The following ATF7 variants were observed in gnomAD, a reference collection of about 807,000 sequenced individuals.
ATF7 encodes cyclic AMP-dependent transcription factor ATF-7.
In ATF7, 10 loss-of-function variants were observed where a neutral mutation model predicts 50.4. That is an observed-to-expected ratio of 0.20 (90% CI 0.12 to 0.34). ATF7 has a LOEUF of 0.34. Among genes scored for constraint, ATF7 ranks in the 10% least tolerant of loss-of-function variants. ATF7 has a pLI of 1.00. For synonymous variants in ATF7, 201 were observed against 226.4 expected, an observed-to-expected ratio of 0.89 and a Z score of 1.01; for missense variants, 465 against 613.9, an observed-to-expected ratio of 0.76 and a Z score of 2.56.
In ATF7 at chr12:53,579,408, C is replaced by T. The variant is rs549208777; in HGVS notation, c.48+21545G>A. Among the ~76,000 whole-genome samples the T allele has an allele frequency of 5.1e-4, 77 of 151,808 alleles. 1 individual carries two copies. The highest frequency in any genetic ancestry group is 1.6e-3 in the African/African-American group (68 of 41,408). On this transcript the variant is annotated intron_variant, in intron 2 of 11. Transcript: ENST00000420353. ...CTCTACTAAAAATACAAAAATTAGC[C>T]GGGCATGGTGGTATACACCTGTAAT...
At chr12:53,611,593 C>A (rs1943883569) in intron 1 of ATF7, among the ~76,000 whole-genome samples, 1 of 152,084 alleles carries the variant, frequency 6.6e-6, no homozygotes, top group Non-Finnish European at 1.5e-5. Context: ...TTACATTTTT[C>A]TTTTCTTTTC....
chr12:53,565,533 C>T (rs1941402938), intron 2 of ATF7, among the ~76,000 whole-genome samples: 1 of 151,996 alleles, frequency 6.6e-6, no homozygotes, highest in Admixed American at 6.6e-5. Flanking sequence ...TACTTCATCA[C>T]CCAGACTGGA....
intron 2 of ATF7, among the ~76,000 whole-genome samples, chr12:53,591,904 C>G (rs548946905): frequency 1.3e-5 from 2 of 152,250 alleles, no homozygotes; most frequent in African/African-American, 4.8e-5. Context: ...TGACTTTCCC[C>G]GCACAGCCAC....
intron 2 of ATF7, chr12:53,574,767 G>A (rs1028110379): frequency 4.9e-6 from 1 of 202,082 alleles, no homozygotes; most frequent in African/African-American, 2.4e-5. Flanking sequence ...TCAAGGGGAA[G>A]CTTATAACCA....
At position 53,527,550 on chromosome 12, in the gene ATF7, C is replaced by T. The variant is rs372619312; in HGVS notation, c.928-2789G>A. Among the ~76,000 whole-genome samples the T allele has an allele frequency of 5.9e-5, 9 of 152,118 alleles. No individual in the cohort carries two copies. In the East Asian group the frequency reaches 7.8e-4, roughly 13 times the overall value. ...CTGTAATCCCAACACTTTGGGAGGC[C>T]GAGGCAGGTGGTCACTTGAGGCCAT... is the stretch of plus-strand genomic sequence containing the variant. On this transcript the variant is annotated intron_variant, in intron 9 of 11. Coordinates refer to ENST00000420353, the MANE Select transcript of ATF7 (RefSeq NM_006856.3).
chr12:53,608,288 C>A (rs1206903119), intron 1 of ATF7, among the ~76,000 whole-genome samples: 2 of 149,896 alleles, frequency 1.3e-5, no homozygotes, highest in Non-Finnish European at 3.0e-5. Context: ...TATTCTAAAG[C>A]ACTAAACAGT....
chr12:53,550,379 A>G (rs1184804816), intron 3 of ATF7, among the ~76,000 whole-genome samples: 1 of 149,628 alleles, frequency 6.7e-6, no homozygotes, highest in African/African-American at 2.4e-5. Flanking sequence ...ATAAATATAA[A>G]TAAATAAAGA....
At chr12:53,592,846 T>A (rs1943003272) in intron 2 of ATF7, among the ~76,000 whole-genome samples, 1 of 152,122 alleles carries the variant, frequency 6.6e-6, no homozygotes, top group Admixed American at 6.6e-5. Flanking sequence ...CCAAACTAAA[T>A]ACATAACCTT....
chr12:53,527,645 G>C (rs909652428), intron 9 of ATF7, among the ~76,000 whole-genome samples: 2 of 151,872 alleles, frequency 1.3e-5, no homozygotes, highest in African/African-American at 2.4e-5. Flanking sequence ...TCAGCTGGGC[G>C]TGGTGGTGCA....
chr12:53,550,323 C>CAAAAAAA (rs72114384), intron 3 of ATF7, among the ~76,000 whole-genome samples: 9 of 126,382 alleles, frequency 7.1e-5, no homozygotes, highest in East Asian at 2.5e-4. Flanking sequence ...GACCCTGTCT[C>CAAAAAAA]AAAAAAAAAA....
rs1944601881 is a variant in ATF7 at position 53,626,264 on chromosome 12, G to C, written c.-22+15C>G. The C allele has an allele frequency of 6.5e-6, 1 of 152,902 alleles. No homozygotes were observed. 9.5% of individuals were successfully genotyped at this position (152,902 alleles called of 1,614,324 possible). A position where few individuals can be genotyped will look rare whatever the true frequency, so the allele number is the denominator to read the frequency against. On this transcript the variant is annotated intron_variant, in intron 1 of 11. Transcript: ENST00000420353. ...CCCGTCAGATCATGGACTAGCTAAT[G>C]TTAAAAGGACTTACCGGCTGGTAGC...
chr12:53,617,553 C>A (rs1004830376), intron 1 of ATF7, among the ~76,000 whole-genome samples: 1 of 152,086 alleles, frequency 6.6e-6, no homozygotes, highest in South Asian at 2.1e-4. Context: ...TGCTTGTAAT[C>A]AGAAGCCGGA....
At chr12:53,572,665 G>A (rs955976395) in intron 2 of ATF7, among the ~76,000 whole-genome samples, 4 of 152,132 alleles carry the variant, frequency 2.6e-5, no homozygotes, top group African/African-American at 9.7e-5. Context: ...GATGAGTACT[G>A]GTCGAGTAAG....
In ATF7 at chr12:53,558,629, C is replaced by T. The variant is rs139532323; in HGVS notation, c.49-5992G>A. On this transcript the variant is annotated intron_variant, in intron 2 of 11. Transcript: ENST00000420353. ...ACTGAATGGAATTCTCATGCACTGC[C>T]TTGTTAGTAACAAAAAGATAATATA... 1.8e-3 allele frequency among the ~76,000 whole-genome samples: 272 copies of T among 152,224 alleles called. 1 individual carries two copies. Among genetic ancestry groups the T allele is most frequent in the African/African-American group, 6.3e-3 (263 of 41,540 alleles).
At chr12:53,587,834 TATATA>T (rs1942768279) in intron 2 of ATF7, among the ~76,000 whole-genome samples, 2 of 47,318 alleles carry the variant, frequency 4.2e-5, no homozygotes, top group Admixed American at 6.3e-4. Context: ...TATATATATA[TATATA>T]TATATTTTTT....
At chr12:53,595,393 A>G (rs1943112995) in intron 2 of ATF7, among the ~76,000 whole-genome samples, 1 of 152,234 alleles carries the variant, frequency 6.6e-6, no homozygotes, top group Non-Finnish European at 1.5e-5. Context: ...TGCTTATGCC[A>G]GATAATAGGG....
chr12:53,507,958 T>C, downstream of ATF7: 1 of 155,434 alleles, frequency 6.4e-6, no homozygotes, highest in South Asian at 2.0e-4. Flanking sequence ...CCTCTGTGCC[T>C]GGGGCTGGCA....
chr12:53,605,001 A>T (rs1592973502), intron 1 of ATF7, among the ~76,000 whole-genome samples: 2 of 152,194 alleles, frequency 1.3e-5, no homozygotes, highest in South Asian at 2.1e-4. Context: ...ATCAGTATAC[A>T]TATCATTTAG....
intron 1 of ATF7, among the ~76,000 whole-genome samples, chr12:53,601,412 TTTAA>T (rs1943398467): frequency 6.6e-6 from 1 of 152,202 alleles, no homozygotes; most frequent in Admixed American, 6.5e-5. Context: ...AAATTTGTCA[TTTAA>T]TTAATTAAGG....
Sources: gnomAD v4.1 joint callset for allele counts (sites outside exome capture counted in the v4.1 genomes callset) on GRCh38, gnomAD v4.1.1 for gene constraint, MANE v1.5 for transcripts, NCBI Gene and HGNC (gene_info 2026-07-23, HGNC 2026-07-21) for gene names.